The following CNTN6 variants were observed in gnomAD, a reference collection of about 807,000 sequenced individuals.
The protein encoded by CNTN6 is contactin-6.
Under a neutral mutation model 122.8 loss-of-function variants are expected in CNTN6, and 137 were observed. The ratio of observed to expected loss-of-function variants is 1.12; its 90% CI spans 0.97 to 1.29. CNTN6 has a LOEUF of 1.29. Ranked by LOEUF, CNTN6 falls within the 50% of genes most tolerant of loss-of-function variation. The pLI is 0.00. For synonymous variants in CNTN6, 570 were observed against 426.0 expected, an observed-to-expected ratio of 1.34 and a Z score of -4.16; for missense variants, 1,634 against 1,223.4, an observed-to-expected ratio of 1.34 and a Z score of -5.01.
intron 3 of CNTN6, 34 bp from the exon 4 acceptor site, chr3:1,227,784 T>C: frequency 6.2e-7 from 1 of 1,603,876 alleles, no homozygotes; most frequent in Non-Finnish European, 8.5e-7. Flanking sequence ...TGACTCTGTA[T>C]ATTATAAGCA....
At chr3:1,291,600 A>G (rs1695337792) in intron 5 of CNTN6, among the ~76,000 whole-genome samples, 2 of 152,328 alleles carry the variant, frequency 1.3e-5, no homozygotes, top group African/African-American at 4.8e-5. Context: ...TTTGTTTCAC[A>G]AAAAGGTTCA....
intron 11 of CNTN6, among the ~76,000 whole-genome samples, chr3:1,347,302 T>C (rs1173560721): frequency 6.6e-6 from 1 of 152,200 alleles, no homozygotes; most frequent in Non-Finnish European, 1.5e-5. Flanking sequence ...AATGCTATAA[T>C]CAGTGATTTA....
intron 7 of CNTN6, among the ~76,000 whole-genome samples, chr3:1,306,742 T>C (rs1189886852): frequency 6.6e-6 from 1 of 152,176 alleles, no homozygotes; most frequent in African/African-American, 2.4e-5. Flanking sequence ...AGGCATTAAA[T>C]AGTAACTACT....
At chr3:1,327,338 T>C (rs764162223) in intron 9 of CNTN6, 119 bp from the exon 10 acceptor site, 23 of 1,124,718 alleles carry the variant, frequency 2.0e-5, no homozygotes, top group Non-Finnish European at 2.8e-5. Context: ...TAGTAGTGTA[T>C]TAATACACCA....
chr3:1,303,641 A>G (rs1426028879), intron 7 of CNTN6, among the ~76,000 whole-genome samples: 5 of 151,936 alleles, frequency 3.3e-5, no homozygotes, highest in Non-Finnish European at 7.4e-5. Flanking sequence ...CATCTCAGTT[A>G]TTTGTGGGTC....
chr3:1,227,997 A>T lies in CNTN6; in HGVS notation c.358+4A>T. 6.2e-7 allele frequency: 1 copy of T among 1,610,616 alleles called. No individual in the cohort carries two copies. Among genetic ancestry groups the T allele is most frequent in the Non-Finnish European group, 8.5e-7 (1 of 1,178,248 alleles). ...AAGGCAAAGCTCCAATTTGCATGTG[A>T]GTTTGGGGTAAATTTTGTAATCTTT... On this transcript the variant is annotated splice_donor_region_variant and intron_variant, in intron 4 of 22. Transcript: ENST00000446702.
intron 2 of CNTN6, among the ~76,000 whole-genome samples, chr3:1,214,835 C>A (rs2094107759): frequency 1.3e-5 from 2 of 152,154 alleles, no homozygotes; most frequent in Non-Finnish European, 2.9e-5. Context: ...TAGTTCACTG[C>A]AGCCTCAAAT....
chr3:1,108,219 A>G (rs1449601110), intron 1 of CNTN6, among the ~76,000 whole-genome samples: 3 of 152,088 alleles, frequency 2.0e-5, no homozygotes, highest in African/African-American at 7.2e-5. Context: ...GAAGTTGTGT[A>G]TCCCTTATCC....
At chr3:1,390,047 G>A (rs1693867241) in intron 20 of CNTN6, among the ~76,000 whole-genome samples, 1 of 151,986 alleles carries the variant, frequency 6.6e-6, no homozygotes, top group East Asian at 1.9e-4. Context: ...ACTCAGCTCT[G>A]CACCAAGTGG....
At chr3:1,214,267 A>G (rs186399084) in intron 2 of CNTN6, among the ~76,000 whole-genome samples, 38 of 138,428 alleles carry the variant, frequency 2.7e-4, no homozygotes, top group African/African-American at 9.9e-4. Flanking sequence ...AGTTTTTTTA[A>G]TGTTCAAATT....
chr3:1,339,374 T>C (rs1322034000), intron 11 of CNTN6, among the ~76,000 whole-genome samples: 1 of 152,166 alleles, frequency 6.6e-6, no homozygotes. Flanking sequence ...ACGATTCATT[T>C]ATTTATAAGT....
intron 4 of CNTN6, among the ~76,000 whole-genome samples, chr3:1,250,615 G>T (rs965977825): frequency 6.6e-6 from 1 of 152,078 alleles, no homozygotes; most frequent in Non-Finnish European, 1.5e-5. Flanking sequence ...ACCCCTCATT[G>T]CCCAAACCTT....
At chr3:1,333,716 A>G (rs958757439) in intron 11 of CNTN6, among the ~76,000 whole-genome samples, 1 of 152,140 alleles carries the variant, frequency 6.6e-6, no homozygotes, top group Non-Finnish European at 1.5e-5. Context: ...ATTCAAAGTA[A>G]TCAGACTGAA....
chr3:1,389,711 G>A (rs1045330238), intron 20 of CNTN6, among the ~76,000 whole-genome samples: 1 of 151,288 alleles, frequency 6.6e-6, no homozygotes, highest in Non-Finnish European at 1.5e-5. Context: ...AAGGATGGAG[G>A]AAGATCTACT....
chr3:1,253,394 T>C (rs140223218), intron 4 of CNTN6, among the ~76,000 whole-genome samples: 1 of 152,314 alleles, frequency 6.6e-6, no homozygotes, highest in East Asian at 1.9e-4. Flanking sequence ...GTTATTGGTG[T>C]TTATATACTC....
At chr3:1,383,212 C>G (rs766906812) in intron 18 of CNTN6, 36 bp downstream of exon 18, 14 of 1,593,556 alleles carry the variant, frequency 8.8e-6, no homozygotes, top group South Asian at 6.6e-5. Context: ...CTTTGAGACT[C>G]TATGCATAGT....
chr3:1,193,438 GT>G (rs2093730614), intron 2 of CNTN6, among the ~76,000 whole-genome samples: 1 of 152,088 alleles, frequency 6.6e-6, no homozygotes, highest in Admixed American at 6.6e-5. Context: ...ATTTAAAAAG[GT>G]AAAAATAGAA....
intron 1 of CNTN6, among the ~76,000 whole-genome samples, chr3:1,140,750 C>A (rs908550840): frequency 1.3e-5 from 2 of 152,114 alleles, no homozygotes; most frequent in South Asian, 2.1e-4. Flanking sequence ...CCATAACAAA[C>A]ATATTTGCAT....
chr3:1,098,942 A>G (rs898000049), intron 1 of CNTN6, among the ~76,000 whole-genome samples: 2 of 150,744 alleles, frequency 1.3e-5, no homozygotes, highest in African/African-American at 4.8e-5. Flanking sequence ...AAATGAAAAT[A>G]CTAATACAAT....
Sources: allele counts gnomAD v4.1 joint callset (sites outside exome capture counted in the v4.1 genomes callset), GRCh38; gene constraint gnomAD v4.1.1; transcripts MANE v1.5; gene names NCBI Gene and HGNC (gene_info 2026-07-23, HGNC 2026-07-21).